ARHGEF12: variants seen among roughly 807,000 people sequenced by gnomAD.
ARHGEF12 encodes KMT2A/ARHGEF12 fusion protein.
Under a neutral mutation model 211.2 loss-of-function variants are expected in ARHGEF12, and 66 were observed. The ratio of observed to expected loss-of-function variants is 0.31; its 90% CI spans 0.26 to 0.38. The LOEUF (loss-of-function observed/expected upper bound fraction) is 0.38, where lower values mean the gene tolerates loss of function less well. ARHGEF12 is among the 10% of genes least tolerant of loss of function. The pLI is 1.00. For missense variants in ARHGEF12, 1,429 were observed against 1,869.5 expected, an observed-to-expected ratio of 0.76 and a Z score of 4.34; for synonymous variants, 592 against 638.4, an observed-to-expected ratio of 0.93 and a Z score of 1.09.
intron 37 of ARHGEF12, 104 bp downstream of exon 37, chr11:120,478,493 C>A: frequency 1.8e-6 from 2 of 1,091,334 alleles, no homozygotes; most frequent in Non-Finnish European, 1.3e-6. Flanking sequence ...TCTTCTAGTT[C>A]TATTGTGGAG....
intron 1 of ARHGEF12, among the ~76,000 whole-genome samples, chr11:120,339,955 T>A (rs1482084622): frequency 6.6e-6 from 1 of 152,210 alleles, no homozygotes; most frequent in Non-Finnish European, 1.5e-5. Context: ...AAACTCAAAC[T>A]TTTTAAAAGA....
intron 1 of ARHGEF12, 36 bp from the exon 2 acceptor site, chr11:120,406,082 G>A (rs1412361009): frequency 6.7e-7 from 1 of 1,483,052 alleles, no homozygotes; most frequent in Non-Finnish European, 9.2e-7. Context: ...TACAAGTAAA[G>A]TAACTACATC....
chr11:120,339,665 G>T (rs1942471313), intron 1 of ARHGEF12, among the ~76,000 whole-genome samples: 1 of 152,192 alleles, frequency 6.6e-6, no homozygotes, highest in African/African-American at 2.4e-5. Context: ...GAGTCTGTCT[G>T]TCCTCAGTTG....
intron 17 of ARHGEF12, 113 bp from the exon 18 acceptor site, chr11:120,446,835 G>C: frequency 7.5e-7 from 1 of 1,328,284 alleles, no homozygotes; most frequent in African/African-American, 1.5e-5. Flanking sequence ...AAGTGGAAAA[G>C]TGACATTTTT....
chr11:120,416,502 ATTCT>A (rs747457600), intron 4 of ARHGEF12, among the ~76,000 whole-genome samples: 1 of 152,124 alleles, frequency 6.6e-6, no homozygotes, highest in Non-Finnish European at 1.5e-5. Context: ...AAGAAGACTG[ATTCT>A]TTTCTTAAGG....
intron 4 of ARHGEF12, among the ~76,000 whole-genome samples, chr11:120,419,019 G>T (rs1438308216): frequency 6.6e-6 from 1 of 151,242 alleles, no homozygotes; most frequent in African/African-American, 2.4e-5. Context: ...TGTCGCCCAG[G>T]CTGGACCCGC....
intron 15 of ARHGEF12, among the ~76,000 whole-genome samples, chr11:120,443,503 AAC>A (rs1219925657): frequency 2.0e-5 from 3 of 152,198 alleles, no homozygotes; most frequent in Non-Finnish European, 2.9e-5. Context: ...TCTAAAAACA[AAC>A]ACACATTTTG....
At chr11:120,431,747 G>A (rs117092333) in intron 10 of ARHGEF12, 24 bp from the exon 11 acceptor site, 33,175 of 1,550,468 alleles carry the variant, frequency 0.021, 420 homozygotes, top group Non-Finnish European at 0.025. Context: ...TTGTGTGCGC[G>A]TGTTTTTCTT....
rs1942372950 is a variant in ARHGEF12, at chr11:120,337,104, A to G, written c.-140A>G. 1.0e-6 allele frequency: 1 copy of G among 989,690 alleles called. No homozygotes were observed. The highest frequency in any genetic ancestry group is 1.6e-6 in the Non-Finnish European group (1 of 630,322). The allele number at this position is 989,690 out of a possible 1,614,324, so 61.3% of individuals were successfully genotyped here. ...TTGACCCCTTACAGTCGGATGGTCT[A>G]GATGACTGAATGGAGTTTTGAGTTG... On this transcript the variant is annotated 5_prime_UTR_variant, in exon 1 of 41. An upstream open reading frame in the 5' UTR loses its in-frame stop. Transcript: ENST00000397843.
At chr11:120,453,076 C>T (rs530161121) in intron 22 of ARHGEF12, among the ~76,000 whole-genome samples, 1 of 151,688 alleles carries the variant, frequency 6.6e-6, no homozygotes, top group East Asian at 1.9e-4. Flanking sequence ...GAAGGCCATT[C>T]ATCTCATCTC....
chr11:120,432,694 GGT>G (rs1352149227), intron 11 of ARHGEF12, among the ~76,000 whole-genome samples: 2 of 152,188 alleles, frequency 1.3e-5, no homozygotes, highest in African/African-American at 4.8e-5. Context: ...ATATAGAAGA[GGT>G]GTCACTTCTT....
At chr11:120,458,479 G>A (rs1241775630) in intron 25 of ARHGEF12, 2 of 391,536 alleles carry the variant, frequency 5.1e-6, no homozygotes, top group East Asian at 5.5e-5. Context: ...TAGCATTATA[G>A]ATCTTAAAGT....
chr11:120,425,750 T>C (rs540243693), intron 7 of ARHGEF12, among the ~76,000 whole-genome samples: 2 of 130,124 alleles, frequency 1.5e-5, no homozygotes, highest in African/African-American at 6.6e-5. Context: ...GTATTTGTTA[T>C]TGTATCTCTT....
intron 22 of ARHGEF12, among the ~76,000 whole-genome samples, chr11:120,452,202 A>G (rs1038202038): frequency 3.9e-5 from 6 of 152,210 alleles, no homozygotes; most frequent in African/African-American, 1.4e-4. Context: ...AAGAAAGGGT[A>G]GAATATGTGG....
chr11:120,484,666 T>C (rs1264323757), intron 40 of ARHGEF12, among the ~76,000 whole-genome samples, 159 bp downstream of exon 40: 1 of 152,232 alleles, frequency 6.6e-6, no homozygotes, highest in Non-Finnish European at 1.5e-5. Context: ...CGGAAGCTCA[T>C]GCCTGCTGAC....
In ARHGEF12 at chr11:120,485,739, T is replaced by C. The variant is rs1245041361; in HGVS notation, c.*662T>C. 3 of 233,562 alleles carry C rather than the reference T, an allele frequency of 1.3e-5. No individual in the cohort carries two copies. In the East Asian group the frequency reaches 1.8e-4, roughly 14 times the overall value. The allele number at this position is 233,562 out of a possible 1,614,324, so 14.5% of individuals were successfully genotyped here. On this transcript the variant is annotated 3_prime_UTR_variant, in exon 41 of 41. Coordinates refer to ENST00000397843, the MANE Select transcript of ARHGEF12 (RefSeq NM_015313.3). ...GCTCTTATGTGCCCAGGTGGTGTGG[T>C]CAGAGAGTGGATGGGCTTCCTCCCG... is the stretch of plus-strand genomic sequence containing the variant.
rs1323585111 is a variant in ARHGEF12, at chr11:120,485,295, C to T, written c.*218C>T. On this transcript the variant is annotated 3_prime_UTR_variant, in exon 41 of 41. Transcript: ENST00000397843. ...GTTTGTGAGGGAATATCCATTCCCT[C>T]ACTCTACTCTCCTCACTATCGGAAA... 1 of 512,266 alleles carries T rather than the reference C, an allele frequency of 2.0e-6. No homozygotes were observed. Among genetic ancestry groups the T allele is most frequent in the African/African-American group, 1.9e-5 (1 of 52,478 alleles). The allele number at this position is 512,266 out of a possible 1,614,324, so 31.7% of individuals were successfully genotyped here. A position where few individuals can be genotyped will look rare whatever the true frequency, so the allele number is the denominator to read the frequency against.
rs1363182063 is a variant in ARHGEF12 at position 120,399,319 on chromosome 11, TCC to T, written c.33-6798_33-6797del. Among the ~76,000 whole-genome samples the T allele has an allele frequency of 7.2e-4, 13 of 17,952 alleles. 1 individual carries two copies. The highest frequency in any genetic ancestry group is 5.5e-3 in the East Asian group (4 of 732). 11.8% of individuals were successfully genotyped at this position (17,952 alleles called of 152,430 possible). ...CTGAGTGAGAGAGTGAGACATTGTC[TCC>T]AAAAAAAAAAAAAAAAAAAAAAAAA... On this transcript the variant is annotated intron_variant, in intron 1 of 40. Coordinates refer to ENST00000397843, the MANE Select transcript of ARHGEF12 (RefSeq NM_015313.3).
intron 11 of ARHGEF12, among the ~76,000 whole-genome samples, chr11:120,434,764 C>G (rs1232447460): frequency 6.6e-6 from 1 of 152,128 alleles, no homozygotes; most frequent in Non-Finnish European, 1.5e-5. Context: ...AAATTCAGAG[C>G]ATCTATCATT....
Sources: allele counts gnomAD v4.1 joint callset (sites outside exome capture counted in the v4.1 genomes callset), GRCh38; gene constraint gnomAD v4.1.1; transcripts MANE v1.5; gene names NCBI Gene and HGNC (gene_info 2026-07-23, HGNC 2026-07-21).